Variants in RRM2 observed in about 807,000 individuals in gnomAD.
RRM2 encodes the protein ribonucleoside-diphosphate reductase subunit M2.
A neutral mutation model predicts 45.9 loss-of-function variants in RRM2; 6 were observed. That is an observed-to-expected ratio of 0.13 (90% CI 0.07 to 0.26). The LOEUF (loss-of-function observed/expected upper bound fraction) is 0.26. Ranked by LOEUF, RRM2 falls within the 10% of genes least tolerant of loss-of-function variation. The probability of loss-of-function intolerance (pLI) is 1.00; values close to 1 mark genes in which losing one functional copy is unlikely to be tolerated. For synonymous variants in RRM2, 177 were observed against 173.0 expected (o/e 1.02, Z -0.18); for missense variants, 343 against 489.5 (o/e 0.70, Z 2.82).
intron 2 of RRM2, chr2:10,142,045 G>A (rs1406508665): frequency 1.7e-5 from 27 of 1,594,110 alleles, no homozygotes; most frequent in Non-Finnish European, 2.2e-5. Flanking sequence ...GGGAGCCAGA[G>A]GGAGCCAGAG....
rs1381866765 is a variant in RRM2, at chr2:10,177,706, CCTCT to C, written n.483-32601_483-32598del. Among the ~76,000 whole-genome samples the C allele has an allele frequency of 3.6e-3, 508 of 139,682 alleles. 8 individuals carry two copies. Among genetic ancestry groups the C allele is most frequent in the African/African-American group, 0.013 (488 of 37,724 alleles). The allele number at this position is 139,682 out of a possible 152,430, so 91.6% of individuals were successfully genotyped here. On this transcript the variant is annotated intron_variant and non_coding_transcript_variant, in intron 3 of 3. Coordinates refer to the RRM2 transcript ENST00000381786. Reference sequence around the variant, plus strand: ...TCCTTCCTTCCTTCCTTCCTTCCTTCCTCTCTCCCTCCCTCCCTCCCTCTCTCTC... The same window carrying C: ...TCCTTCCTTCCTTCCTTCCTTCCTTCCTCCCTCCCTCCCTCCCTCTCTCTC...
chr2:10,159,517 A>G (rs943720297), intron 3 of RRM2, among the ~76,000 whole-genome samples: 3 of 152,332 alleles, frequency 2.0e-5, no homozygotes, highest in African/African-American at 7.2e-5. Flanking sequence ...CAGATCAGAC[A>G]CAGGGTCTTT....
At chr2:10,150,482 T>A in intron 3 of RRM2, among the ~76,000 whole-genome samples, 1 of 148,722 alleles carries the variant, frequency 6.7e-6, no homozygotes, top group Admixed American at 6.8e-5. Context: ...TGCATCCTGT[T>A]TCTCTTTCTC....
Position 10,129,271 on chromosome 2 carries a change from A to C in RRM2, c.1055A>C (p.Asn352Thr). The C allele has an allele frequency of 1.2e-6, 2 of 1,614,152 alleles. No individual in the cohort carries two copies. The highest frequency in any genetic ancestry group is 2.2e-5 in the South Asian group (2 of 91,064). ...RVENPFDFME[N>T]ISLEGKTNFF... Reference sequence around the variant, plus strand: ...GAGAACCCATTTGACTTTATGGAGAATATTTCACTGGAAGGAAAGACTAAC... The same window carrying C: ...GAGAACCCATTTGACTTTATGGAGACTATTTCACTGGAAGGAAAGACTAAC... Residue 352 changes from asparagine to threonine, a missense_variant, in exon 10 of 10, where the codon AAT becomes ACT. Transcript: ENST00000304567. This position sits in a 1 kb window ranked among gnomAD's most constrained non-coding sequence, Gnocchi z 4.8.
intron 3 of RRM2, among the ~76,000 whole-genome samples, chr2:10,206,028 T>C (rs1035815336): frequency 1.3e-5 from 2 of 151,922 alleles, no homozygotes; most frequent in Non-Finnish European, 2.9e-5. Flanking sequence ...GGGAGGATCA[T>C]GAGGTCAGGA....
chr2:10,162,098 C>T (rs1231159947), intron 3 of RRM2, among the ~76,000 whole-genome samples: 2 of 152,214 alleles, frequency 1.3e-5, no homozygotes, highest in Non-Finnish European at 2.9e-5. Flanking sequence ...CCATCCGCCG[C>T]TGCCTGGGAT....
At chr2:10,151,006 G>C (rs576061736) in intron 3 of RRM2, among the ~76,000 whole-genome samples, 54 of 151,948 alleles carry the variant, frequency 3.6e-4, no homozygotes, top group Admixed American at 8.5e-4. Flanking sequence ...GTAGAGATGG[G>C]GTTTCACCAT....
chr2:10,154,115 C>A lies in RRM2; in HGVS notation n.482+11740C>A, dbSNP rs534729082. ...TCTGGGGTTAGTTAGCTGTAGTCAA[C>A]ACCTAAGTTCCCCAGTGATGAACTG... On this transcript the variant is annotated intron_variant and non_coding_transcript_variant, in intron 3 of 3. Coordinates refer to the RRM2 transcript ENST00000381786. Among the ~76,000 whole-genome samples the A allele has an allele frequency of 2.8e-4, 42 of 152,318 alleles. No individual in the cohort carries two copies. In the South Asian group the frequency reaches 8.5e-3, roughly 31 times the overall value.
chr2:10,160,996 C>T (rs1663544883), intron 3 of RRM2, among the ~76,000 whole-genome samples: 1 of 152,226 alleles, frequency 6.6e-6, no homozygotes, highest in Admixed American at 6.5e-5. Flanking sequence ...GAGCCTCCCT[C>T]TTTGGGGCTG....
At chr2:10,206,763 G>A (rs1664673029) in intron 3 of RRM2, among the ~76,000 whole-genome samples, 1 of 152,180 alleles carries the variant, frequency 6.6e-6, no homozygotes, top group African/African-American at 2.4e-5. Context: ...TTTAAAAGCA[G>A]CAAGTACAAG....
intron 3 of RRM2, among the ~76,000 whole-genome samples, chr2:10,190,391 TG>T (rs1470363250): frequency 7.0e-6 from 1 of 142,034 alleles, no homozygotes; most frequent in Non-Finnish European, 1.5e-5. Context: ...GTGATGGTGA[TG>T]GTGGTGGTGA....
At chr2:10,152,669 T>C (rs1454158743) in intron 3 of RRM2, among the ~76,000 whole-genome samples, 1 of 151,506 alleles carries the variant, frequency 6.6e-6, no homozygotes. Context: ...TTTTAGTAGA[T>C]ATGCAGTTTC....
At chr2:10,197,846 G>A (rs1052324380) in intron 3 of RRM2, among the ~76,000 whole-genome samples, 1 of 152,128 alleles carries the variant, frequency 6.6e-6, no homozygotes, top group Non-Finnish European at 1.5e-5. Context: ...TAAGGCCCAG[G>A]CTCTGGGAGG....
chr2:10,167,170 G>A (rs768138796), intron 3 of RRM2, among the ~76,000 whole-genome samples: 30 of 152,178 alleles, frequency 2.0e-4, no homozygotes, highest in Non-Finnish European at 3.5e-4. Context: ...CCTCCTGACT[G>A]TTTTATCTGC....
intron 3 of RRM2, among the ~76,000 whole-genome samples, chr2:10,160,206 A>C (rs1244506871): frequency 2.6e-5 from 4 of 152,152 alleles, no homozygotes; most frequent in African/African-American, 9.7e-5. Context: ...CTTTCCAGGA[A>C]GCCTTCCTGA....
At chr2:10,124,022 T>C in intron 4 of RRM2, 170 bp downstream of exon 4, 1 of 637,268 alleles carries the variant, frequency 1.6e-6, no homozygotes, top group East Asian at 2.6e-5. Context: ...TTCTTTCTTA[T>C]GGTATTTTCC....
chr2:10,165,252 C>G (rs573186159), intron 3 of RRM2, among the ~76,000 whole-genome samples: 1 of 152,358 alleles, frequency 6.6e-6, no homozygotes, highest in African/African-American at 2.4e-5. Context: ...TGCCCGGCCT[C>G]TTTTGGTTAC....
upstream of RRM2, chr2:10,122,627 G>A (rs1211802652): frequency 1.3e-6 from 2 of 1,536,566 alleles, no homozygotes. Context: ...CAATGGGAAG[G>A]GTCGGAGGCA....
At position 10,144,295 on chromosome 2, in the gene RRM2, G is replaced by A. The variant is rs1426918618; in HGVS notation, n.482+1920G>A. 3.3e-5 allele frequency among the ~76,000 whole-genome samples: 5 copies of A among 152,222 alleles called. No individual in the cohort carries two copies. In the East Asian group the frequency reaches 5.8e-4, roughly 18 times the overall value. ...CTCACACTCTTCCAAGGTCAGAGAC[G>A]AGGTCTCAGATACGCTTGCTAATGC... On this transcript the variant is annotated intron_variant and non_coding_transcript_variant, in intron 3 of 3. Transcript: ENST00000381786.
Sources: gnomAD v4.1 joint callset for allele counts (sites outside exome capture counted in the v4.1 genomes callset) on GRCh38, gnomAD v4.1.1 for gene constraint, Gnocchi (gnomAD v3.1) non-coding constraint, MANE v1.5 for transcripts, NCBI Gene and HGNC (gene_info 2026-07-23, HGNC 2026-07-21) for gene names.